The following MTHFD2L variants were observed in gnomAD, a reference collection of about 807,000 sequenced individuals.
MTHFD2L encodes the protein methylenetetrahydrofolate dehydrogenase (NADP+ dependent) 2 like.
In MTHFD2L, 29 loss-of-function variants were observed where a neutral mutation model predicts 34.9. The ratio of observed to expected loss-of-function variants is 0.83; its 90% confidence interval spans 0.62 to 1.13. The LOEUF (loss-of-function observed/expected upper bound fraction) is 1.13, where lower values mean the gene tolerates loss of function less well. Among genes scored for constraint, MTHFD2L ranks in the 50% most tolerant of loss-of-function variants. The probability of loss-of-function intolerance (pLI) is 0.00; values close to 1 mark genes in which losing one functional copy is unlikely to be tolerated. For missense variants in MTHFD2L, 481 were observed against 446.5 expected (o/e 1.08, Z -0.70); for synonymous variants, 167 against 155.7 (o/e 1.07, Z -0.54).
chr4:74,180,127 A>G (rs531376893), intron 3 of MTHFD2L, among the ~76,000 whole-genome samples: 17 of 152,148 alleles, frequency 1.1e-4, no homozygotes, highest in Non-Finnish European at 2.4e-4. Flanking sequence ...AGGCTGGGAA[A>G]TACAAAAATT....
chr4:74,132,385 A>T (rs1314772928), intron 1 of MTHFD2L, among the ~76,000 whole-genome samples: 1 of 152,230 alleles, frequency 6.6e-6, no homozygotes, highest in Non-Finnish European at 1.5e-5. Flanking sequence ...TGGCACATAT[A>T]CACCATGGAA....
intron 5 of MTHFD2L, among the ~76,000 whole-genome samples, chr4:74,206,991 C>G (rs1249188676): frequency 6.6e-6 from 1 of 152,100 alleles, no homozygotes; most frequent in Non-Finnish European, 1.5e-5. Flanking sequence ...GCCTCAACTT[C>G]CTGGACACAG....
intron 6 of MTHFD2L, chr4:74,267,317 CTCTTTCTCTCTT>C (rs1310892325): frequency 1.3e-6 from 1 of 746,006 alleles, no homozygotes; most frequent in African/African-American, 1.9e-5. Flanking sequence ...TTCTTTCTTT[CTCTTTCTCTCTT>C]TCTTTCTTCC....
intron 6 of MTHFD2L, among the ~76,000 whole-genome samples, chr4:74,277,154 A>ATT (rs11444615): frequency 0.036 from 5,193 of 145,414 alleles, 101 homozygotes; most frequent in East Asian, 0.093. Context: ...GCCAAAGCAG[A>ATT]TTTTTTTTTT....
At position 74,299,475 on chromosome 4, in the gene MTHFD2L, T is replaced by C. The variant is rs1750030541; in HGVS notation, c.932-2222T>C. Among the ~76,000 whole-genome samples the C allele has an allele frequency of 4.6e-5, 7 of 152,014 alleles. No individual in the cohort carries two copies. The South Asian group carries it at 1.5e-3, about 32-fold the overall frequency. On this transcript the variant is annotated intron_variant, in intron 7 of 7. Transcript: ENST00000325278. ...AAAGACCTGCCAAGTTTTAAACGCA[T>C]TGCTTCTCCAGTGCTTGAGAAAAGG...
upstream of MTHFD2L, chr4:74,158,095 C>T (rs1724511152): frequency 1.3e-6 from 2 of 1,531,848 alleles, no homozygotes; most frequent in Non-Finnish European, 1.7e-6. Context: ...GGACTGGAGT[C>T]GCGGGAGGTG....
At chr4:74,183,940 G>C (rs1163905929) in intron 3 of MTHFD2L, 1 of 152,098 alleles carries the variant, frequency 6.6e-6, no homozygotes, top group East Asian at 1.9e-4. Context: ...AAGTTTGTAT[G>C]GAAGAAATGG....
chr4:74,235,199 A>G (rs1298528901), intron 6 of MTHFD2L, among the ~76,000 whole-genome samples: 1 of 152,182 alleles, frequency 6.6e-6, no homozygotes, highest in African/African-American at 2.4e-5. Context: ...AAATAACATC[A>G]TATTTGAATT....
intron 6 of MTHFD2L, among the ~76,000 whole-genome samples, chr4:74,277,168 T>C (rs1330849063): frequency 6.6e-6 from 1 of 151,442 alleles, no homozygotes; most frequent in Non-Finnish European, 1.5e-5. Context: ...TTTTTTTTTT[T>C]TCACAGATAT....
chr4:74,131,737 T>G (rs1232137032), intron 1 of MTHFD2L, among the ~76,000 whole-genome samples: 2 of 152,098 alleles, frequency 1.3e-5, no homozygotes, highest in Non-Finnish European at 2.9e-5. Flanking sequence ...ACAAATGGGA[T>G]CTAATTAACC....
intron 1 of MTHFD2L, among the ~76,000 whole-genome samples, chr4:74,172,663 G>C (rs559575861): frequency 1.1e-4 from 16 of 152,256 alleles, no homozygotes; most frequent in African/African-American, 3.9e-4. Context: ...TTTTTCCCCT[G>C]CCCCCAGGAA....
chr4:74,296,867 G>T (rs1160415900), intron 7 of MTHFD2L, among the ~76,000 whole-genome samples: 2 of 151,886 alleles, frequency 1.3e-5, no homozygotes, highest in African/African-American at 2.4e-5. Context: ...CTTAGCCTGG[G>T]GAGTTAACAG....
At chr4:74,283,626 C>G (rs1340945191) in intron 7 of MTHFD2L, among the ~76,000 whole-genome samples, 3 of 152,034 alleles carry the variant, frequency 2.0e-5, no homozygotes, top group Non-Finnish European at 4.4e-5. Context: ...CTTGGACATC[C>G]AACAGAGCAT....
chr4:74,154,984 T>C (rs1724154420), upstream of MTHFD2L, among the ~76,000 whole-genome samples: 1 of 152,180 alleles, frequency 6.6e-6, no homozygotes, highest in African/African-American at 2.4e-5. Context: ...CCATTGCTTA[T>C]CTGTAAATTG....
At chr4:74,171,077 A>C (rs1008533193) in intron 1 of MTHFD2L, among the ~76,000 whole-genome samples, 1 of 152,080 alleles carries the variant, frequency 6.6e-6, no homozygotes, top group African/African-American at 2.4e-5. Context: ...ATGTATACAT[A>C]TGTAATAAAC....
rs1560446068 is a variant in MTHFD2L at position 74,174,571 on chromosome 4, G to A, written c.209G>A (p.Gly70Asp). ...CATATCCAGAAAGAAATACAGCGAGGTGTGGAATCATGGGTTTCCCTTGGA... is the reference window on the plus strand; with the variant it reads ...CATATCCAGAAAGAAATACAGCGAGATGTGGAATCATGGGTTTCCCTTGGA... ...AKHIQKEIQRGVESWVSLGNR... is the reference protein window; with the variant it reads ...AKHIQKEIQRDVESWVSLGNR... Residue 70 changes from glycine (G) to aspartate (D), a missense_variant, in exon 2 of 8, where the codon GGT becomes GAT. Physicochemically the swap from Gly to Asp is moderately conservative, Grantham distance 94. Transcript: ENST00000325278. 1.2e-6 allele frequency: 2 copies of A among 1,607,226 alleles called. No homozygotes were observed. The highest frequency in any genetic ancestry group is 1.7e-6 in the Non-Finnish European group (2 of 1,177,164).
chr4:74,205,013 T>C (rs957490739), intron 5 of MTHFD2L, among the ~76,000 whole-genome samples: 2 of 152,216 alleles, frequency 1.3e-5, no homozygotes, highest in East Asian at 3.8e-4. Context: ...TAATACTGGT[T>C]ACTTAGAAAC....
intron 1 of MTHFD2L, chr4:74,140,521 G>C: frequency 1.0e-6 from 1 of 964,150 alleles, no homozygotes; most frequent in South Asian, 4.8e-5. Context: ...TTTTCACTTT[G>C]TGCACACCTT....
intron 6 of MTHFD2L, among the ~76,000 whole-genome samples, chr4:74,239,896 A>T (rs376674416): frequency 2.0e-5 from 3 of 152,190 alleles, no homozygotes; most frequent in African/African-American, 7.2e-5. Context: ...TTGTCTCTGT[A>T]AAATACACAG....
Sources: gnomAD v4.1 joint callset for allele counts (sites outside exome capture counted in the v4.1 genomes callset) on GRCh38, gnomAD v4.1.1 for gene constraint, MANE v1.5 for transcripts, NCBI Gene and HGNC (gene_info 2026-07-23, HGNC 2026-07-21) for gene names.